Variants in CNTNAP5 observed in about 807,000 individuals in gnomAD.
CNTNAP5 encodes the protein contactin-associated protein-like 5.
In CNTNAP5, 72 loss-of-function variants were observed where a neutral mutation model predicts 150.2. The observed-to-expected ratio is 0.48, with a 90% CI of 0.40 to 0.58. The LOEUF (loss-of-function observed/expected upper bound fraction) is 0.58, where lower values mean the gene tolerates loss of function less well. Ranked by LOEUF, CNTNAP5 falls within the 20% of genes least tolerant of loss-of-function variation. The probability of loss-of-function intolerance (pLI) is 0.00; values close to 1 mark genes in which losing one functional copy is unlikely to be tolerated. For missense variants in CNTNAP5, 1,636 were observed against 1,626.2 expected, an observed-to-expected ratio of 1.01 and a Z score of -0.10; for synonymous variants, 672 against 619.8, an observed-to-expected ratio of 1.08 and a Z score of -1.25.
chr2:124,733,148 A>G (rs1050358377), intron 13 of CNTNAP5, among the ~76,000 whole-genome samples: 4 of 150,898 alleles, frequency 2.7e-5, no homozygotes, highest in African/African-American at 7.3e-5. Flanking sequence ...TATATTCTAA[A>G]CACACACACA....
chr2:124,337,209 T>C (rs1001687569), intron 3 of CNTNAP5, among the ~76,000 whole-genome samples: 2 of 152,206 alleles, frequency 1.3e-5, no homozygotes, highest in African/African-American at 4.8e-5. Flanking sequence ...GCCCACTTGT[T>C]GATGGGGTTG....
At chr2:124,869,117 G>A (rs930208767) in intron 20 of CNTNAP5, among the ~76,000 whole-genome samples, 1 of 152,164 alleles carries the variant, frequency 6.6e-6, no homozygotes, top group Admixed American at 6.6e-5. Flanking sequence ...AATCGTCCAT[G>A]TTGGTTGCAG....
intron 3 of CNTNAP5, among the ~76,000 whole-genome samples, chr2:124,302,900 C>T (rs909083295): frequency 6.6e-6 from 1 of 152,210 alleles, no homozygotes; most frequent in Admixed American, 6.5e-5. Context: ...TCACCAGATT[C>T]TGGCCTGGAT....
intron 3 of CNTNAP5, among the ~76,000 whole-genome samples, chr2:124,354,975 G>C (rs1295061971): frequency 6.6e-6 from 1 of 151,760 alleles, no homozygotes; most frequent in Non-Finnish European, 1.5e-5. Flanking sequence ...CATGAGCTTG[G>C]TCTTCTGTAG....
chr2:124,130,450 A>G (rs557681451), intron 1 of CNTNAP5, among the ~76,000 whole-genome samples: 1 of 152,222 alleles, frequency 6.6e-6, no homozygotes, highest in Non-Finnish European at 1.5e-5. Flanking sequence ...TTGCAGGTGG[A>G]ATGAGTGCCC....
At chr2:124,790,553 A>C (rs1681703027) in intron 18 of CNTNAP5, among the ~76,000 whole-genome samples, 1 of 152,206 alleles carries the variant, frequency 6.6e-6, no homozygotes, top group Non-Finnish European at 1.5e-5. Context: ...ATTATTTTTT[A>C]CAACAAAGAG....
chr2:124,480,940 A>C (rs967126887), intron 7 of CNTNAP5, among the ~76,000 whole-genome samples: 5 of 152,226 alleles, frequency 3.3e-5, no homozygotes, highest in African/African-American at 1.2e-4. Flanking sequence ...TATGAAGAAT[A>C]ATGTGCCTTA....
chr2:124,521,190 A>C (rs1304959812), intron 8 of CNTNAP5, among the ~76,000 whole-genome samples: 2 of 152,198 alleles, frequency 1.3e-5, no homozygotes, highest in Non-Finnish European at 2.9e-5. Context: ...GATAATCCCC[A>C]GAAATCTGAC....
chr2:124,313,688 G>A lies in CNTNAP5; in HGVS notation c.381+71295G>A, dbSNP rs980783465. Reference sequence around the variant, plus strand: ...TAGAATTTAGATTGTGCCATTGTCTGGATCATGCCATCATGTCTTTGTGGC... The same window carrying A: ...TAGAATTTAGATTGTGCCATTGTCTAGATCATGCCATCATGTCTTTGTGGC... On this transcript the variant is annotated intron_variant, in intron 3 of 23. Coordinates refer to ENST00000682447, the MANE Select transcript of CNTNAP5 (RefSeq NM_001367498.1). Among the ~76,000 whole-genome samples the A allele has an allele frequency of 3.3e-5, 5 of 152,318 alleles. No individual in the cohort carries two copies. The South Asian group carries it at 1.0e-3, about 32-fold the overall frequency.
intron 1 of CNTNAP5, among the ~76,000 whole-genome samples, chr2:124,133,013 A>G (rs1439988352): frequency 2.6e-5 from 4 of 152,204 alleles, no homozygotes; most frequent in Non-Finnish European, 5.9e-5. Context: ...AATAATAGGA[A>G]TAATAATTAC....
intron 1 of CNTNAP5, among the ~76,000 whole-genome samples, chr2:124,068,110 G>A (rs1022032538): frequency 1.5e-5 from 2 of 129,884 alleles, no homozygotes; most frequent in African/African-American, 2.9e-5. Context: ...ATACACAAAC[G>A]CACATTTACA....
At chr2:124,075,900 C>T (rs80051434) in intron 1 of CNTNAP5, among the ~76,000 whole-genome samples, 11,779 of 152,192 alleles carry the variant, frequency 0.077, 598 homozygotes, top group Non-Finnish European at 0.12. Flanking sequence ...AGTAATTAAA[C>T]ATTGAGCCAT....
chr2:124,392,841 G>A (rs769808487), intron 3 of CNTNAP5, among the ~76,000 whole-genome samples: 3 of 151,906 alleles, frequency 2.0e-5, no homozygotes, highest in Admixed American at 6.6e-5. Context: ...TGGTTCTCAG[G>A]TTAATTAAGG....
chr2:124,244,672 G>A (rs116036816), intron 3 of CNTNAP5, among the ~76,000 whole-genome samples: 2,279 of 152,216 alleles, frequency 0.015, 71 homozygotes, highest in African/African-American at 0.053. Flanking sequence ...AATTTAAAGA[G>A]TAAAATAGAG....
At chr2:124,567,206 G>A (rs1173358108) in intron 11 of CNTNAP5, among the ~76,000 whole-genome samples, 1 of 152,106 alleles carries the variant, frequency 6.6e-6, no homozygotes, top group African/African-American at 2.4e-5. Flanking sequence ...GGTCCTGGGT[G>A]AGGCGGGCAC....
chr2:124,345,426 A>G (rs1037271252), intron 3 of CNTNAP5, among the ~76,000 whole-genome samples: 7 of 152,304 alleles, frequency 4.6e-5, no homozygotes, highest in African/African-American at 1.7e-4. Context: ...CAGCAAGCTC[A>G]TTATCAGTTG....
chr2:124,318,124 C>T (rs914595561), intron 3 of CNTNAP5, among the ~76,000 whole-genome samples: 7 of 152,110 alleles, frequency 4.6e-5, no homozygotes, highest in Non-Finnish European at 1.0e-4. Context: ...TTGCAGTCAG[C>T]GGCCACAGCA....
chr2:124,306,203 A>C (rs1467344655), intron 3 of CNTNAP5, among the ~76,000 whole-genome samples: 3 of 152,156 alleles, frequency 2.0e-5, no homozygotes, highest in Non-Finnish European at 4.4e-5. Flanking sequence ...TACAGGAATC[A>C]AATAAGATCC....
chr2:124,030,610 G>T (rs545697897), intron 1 of CNTNAP5, among the ~76,000 whole-genome samples: 1 of 151,970 alleles, frequency 6.6e-6, no homozygotes, highest in Non-Finnish European at 1.5e-5. Flanking sequence ...CAAAGGGCAT[G>T]AGAGTAGCAG....
Sources: allele counts gnomAD v4.1 joint callset (sites outside exome capture counted in the v4.1 genomes callset), GRCh38; gene constraint gnomAD v4.1.1; transcripts MANE v1.5; gene names NCBI Gene and HGNC (gene_info 2026-07-23, HGNC 2026-07-21).